The following DNAJC6 variants were observed in gnomAD, a reference collection of about 807,000 sequenced individuals.
DNAJC6 encodes DnaJ heat shock protein family (Hsp40) member C6.
A neutral mutation model predicts 110.0 loss-of-function variants in DNAJC6; 34 were observed. The observed-to-expected ratio is 0.31, with a 90% CI of 0.24 to 0.41. The LOEUF (loss-of-function observed/expected upper bound fraction) is 0.41. Among genes scored for constraint, DNAJC6 ranks in the 10% least tolerant of loss-of-function variants. The probability of loss-of-function intolerance (pLI) is 1.00; values close to 1 mark genes in which losing one functional copy is unlikely to be tolerated. For missense variants in DNAJC6, 1,031 were observed against 1,207.8 expected (o/e 0.85, Z 2.17); for synonymous variants, 406 against 437.2 (o/e 0.93, Z 0.89).
chr1:65,299,962 G>A (rs1315246078), intron 1 of DNAJC6, among the ~76,000 whole-genome samples: 1 of 147,286 alleles, frequency 6.8e-6, no homozygotes, highest in Non-Finnish European at 1.5e-5. Context: ...TGAGGCAGGA[G>A]AATTGCTTGA....
At chr1:65,377,500 C>A (rs1291101231) in intron 4 of DNAJC6, among the ~76,000 whole-genome samples, 1 of 152,186 alleles carries the variant, frequency 6.6e-6, no homozygotes, top group African/African-American at 2.4e-5. Context: ...TGCTAGATCA[C>A]CCTGGACTGT....
intron 1 of DNAJC6, among the ~76,000 whole-genome samples, chr1:65,357,327 A>G (rs979611685): frequency 6.6e-6 from 1 of 152,208 alleles, no homozygotes; most frequent in African/African-American, 2.4e-5. Context: ...GATCCTGAAC[A>G]CTATGGGATA....
At chr1:65,287,751 A>G (rs900543288) in intron 1 of DNAJC6, among the ~76,000 whole-genome samples, 1 of 151,982 alleles carries the variant, frequency 6.6e-6, no homozygotes, top group Non-Finnish European at 1.5e-5. Flanking sequence ...CCACAGGTGC[A>G]TGCTACCATA....
chr1:65,309,281 C>T (rs1402526695), upstream of DNAJC6, among the ~76,000 whole-genome samples: 10 of 127,844 alleles, frequency 7.8e-5, no homozygotes, highest in Admixed American at 3.4e-4. Flanking sequence ...TTCCCTTCAA[C>T]CCCCCTCCTC....
At chr1:65,318,741 T>C (rs887178522) in intron 1 of DNAJC6, among the ~76,000 whole-genome samples, 1 of 152,100 alleles carries the variant, frequency 6.6e-6, no homozygotes, top group Admixed American at 6.5e-5. Flanking sequence ...TCAGGAAGAA[T>C]AGCTAATGGA....
In DNAJC6 at chr1:65,309,928, G is replaced by T; in HGVS notation, c.183G>T (p.Met61Ile). The stretch of plus-strand genomic sequence containing the variant: ...AGCCTCCGGACCGCGCCAGCACCAT[G>T]GACAGCTCAGGTAGCGCTGCCCGAG... ...ARQPPDRAST[M>I]DSSGASSPDM... The change falls in exon 1 of 19, where the codon ATG (methionine) becomes ATT (isoleucine). Residue 61 changes from methionine to isoleucine, a missense_variant. By Grantham distance (10) the Met-to-Ile change is conservative. Coordinates refer to ENST00000371069, the MANE Select transcript of DNAJC6 (RefSeq NM_001256864.2). 5.3e-6 allele frequency: 8 copies of T among 1,500,590 alleles called. No homozygotes were observed. The highest frequency in any genetic ancestry group is 7.1e-6 in the Non-Finnish European group (8 of 1,123,912). 93.0% of individuals were successfully genotyped at this position (1,500,590 alleles called of 1,614,324 possible).
chr1:65,386,992 A>G lies in DNAJC6; in HGVS notation c.1113+63A>G, dbSNP rs1347980268. The G allele has an allele frequency of 4.4e-6, 6 of 1,350,158 alleles. No homozygotes were observed. The African/African-American group carries it at 5.7e-5, about 13-fold the overall frequency. 83.6% of individuals were successfully genotyped at this position (1,350,158 alleles called of 1,614,324 possible). A position where few individuals can be genotyped will look rare whatever the true frequency, so the allele number is the denominator to read the frequency against. On this transcript the variant is annotated intron_variant, in intron 8 of 18. Coordinates refer to ENST00000371069, the MANE Select transcript of DNAJC6 (RefSeq NM_001256864.2). ...GAGTCTTCAATAGGAGTATTTCTGAATCTTTTCTCCCCATCACTTTGGGCT... is the reference window on the plus strand; with the variant it reads ...GAGTCTTCAATAGGAGTATTTCTGAGTCTTTTCTCCCCATCACTTTGGGCT...
intron 12 of DNAJC6, 125 bp downstream of exon 12, chr1:65,392,990 GGTCT>G: frequency 1.2e-6 from 1 of 851,918 alleles, no homozygotes; most frequent in Non-Finnish European, 1.6e-6. Context: ...CTTTAGAGGA[GGTCT>G]GTATCTTTAT....
intron 1 of DNAJC6, among the ~76,000 whole-genome samples, chr1:65,293,402 A>G (rs759553429): frequency 3.9e-5 from 6 of 152,048 alleles, no homozygotes; most frequent in Non-Finnish European, 8.8e-5. Flanking sequence ...ACATAACCTC[A>G]TTTAAACGTA....
intron 1 of DNAJC6, among the ~76,000 whole-genome samples, chr1:65,322,552 TA>T (rs1304830130): frequency 1.3e-5 from 2 of 152,178 alleles, no homozygotes; most frequent in Non-Finnish European, 2.9e-5. Context: ...CCTCTATTGA[TA>T]GGGGGTAAAT....
At chr1:65,358,128 G>A (rs900747838) in intron 1 of DNAJC6, among the ~76,000 whole-genome samples, 1 of 133,870 alleles carries the variant, frequency 7.5e-6, no homozygotes, top group African/African-American at 2.8e-5. Context: ...GCAGTGAGCT[G>A]AGATCGCACC....
intron 1 of DNAJC6, among the ~76,000 whole-genome samples, chr1:65,339,771 G>A (rs1263783465): frequency 6.6e-6 from 1 of 152,150 alleles, no homozygotes; most frequent in African/African-American, 2.4e-5. Flanking sequence ...AAAGAGGAAA[G>A]AAGGCACTTG....
chr1:65,387,169 GAAC>G (rs1053962044), intron 8 of DNAJC6, among the ~76,000 whole-genome samples: 5 of 152,166 alleles, frequency 3.3e-5, no homozygotes, highest in Admixed American at 2.0e-4. Flanking sequence ...GACAGCCCTG[GAAC>G]TCTTAGCAAA....
intron 5 of DNAJC6, among the ~76,000 whole-genome samples, chr1:65,381,933 G>A (rs1369748627): frequency 6.6e-6 from 1 of 152,128 alleles, no homozygotes; most frequent in East Asian, 1.9e-4. Flanking sequence ...CACTCTCAAG[G>A]CTTAAATTAT....
chr1:65,384,358 A>T (rs1645850701), intron 6 of DNAJC6, 32 bp downstream of exon 6: 12 of 1,492,576 alleles, frequency 8.0e-6, no homozygotes, highest in Non-Finnish European at 1.1e-5. Flanking sequence ...CTAGGCACAG[A>T]TGTAGTCTAA....
At chr1:65,396,203 C>T (rs990303107) in intron 13 of DNAJC6, among the ~76,000 whole-genome samples, 7 of 152,168 alleles carry the variant, frequency 4.6e-5, no homozygotes, top group Admixed American at 3.3e-4. Flanking sequence ...TCCCCTCTTA[C>T]CTCTGAGTCA....
intron 1 of DNAJC6, among the ~76,000 whole-genome samples, chr1:65,293,929 T>C (rs2101240883): frequency 6.6e-6 from 1 of 152,324 alleles, no homozygotes; most frequent in Non-Finnish European, 1.5e-5. Context: ...TACCCTATGA[T>C]GCAAAGGAAA....
At chr1:65,350,717 A>G (rs1307190355) in intron 1 of DNAJC6, among the ~76,000 whole-genome samples, 1 of 152,208 alleles carries the variant, frequency 6.6e-6, no homozygotes, top group Non-Finnish European at 1.5e-5. Flanking sequence ...TGCAGCCTTT[A>G]TTCCAAGGTG....
chr1:65,316,493 G>A (rs1645150091), intron 1 of DNAJC6, among the ~76,000 whole-genome samples: 1 of 152,134 alleles, frequency 6.6e-6, no homozygotes, highest in African/African-American at 2.4e-5. Context: ...TCTCCCTCTA[G>A]TCTGTAAGTA....
Sources: gnomAD v4.1 joint callset for allele counts (sites outside exome capture counted in the v4.1 genomes callset) on GRCh38, gnomAD v4.1.1 for gene constraint, MANE v1.5 for transcripts, NCBI Gene and HGNC (gene_info 2026-07-23, HGNC 2026-07-21) for gene names.